Variants in HEATR5B observed in about 807,000 individuals in gnomAD.
HEATR5B encodes the protein HEAT repeat-containing protein 5B.
Under a neutral mutation model 224.1 loss-of-function variants are expected in HEATR5B, and 156 were observed. The ratio of observed to expected loss-of-function variants is 0.70; its 90% CI spans 0.61 to 0.80. The LOEUF is 0.80. Among genes scored for constraint, HEATR5B ranks in the 30% least tolerant of loss-of-function variants. HEATR5B has a pLI of 0.00. For synonymous variants in HEATR5B, 1,027 were observed against 893.0 expected (o/e 1.15, Z -2.68); for missense variants, 2,323 against 2,535.5 (o/e 0.92, Z 1.80).
intron 16 of HEATR5B, among the ~76,000 whole-genome samples, chr2:37,056,002 T>C (rs1294260003): frequency 6.6e-6 from 1 of 152,216 alleles, no homozygotes; most frequent in Non-Finnish European, 1.5e-5. Flanking sequence ...ACGTTATTAG[T>C]GATTGGAATT....
At position 37,056,587 on chromosome 2, in the gene HEATR5B, C is replaced by A; in HGVS notation, c.2252G>T (p.Gly751Val). 6.2e-7 allele frequency: 1 copy of A among 1,603,724 alleles called. No individual in the cohort carries two copies. The highest frequency in any genetic ancestry group is 8.5e-7 in the Non-Finnish European group (1 of 1,175,158). The change falls in exon 16 of 36, where the codon GGG (glycine) becomes GTG (valine). Residue 751 changes from glycine (G) to valine (V), a missense_variant. Gly to Val is a moderately radical substitution (Grantham distance 109). Coordinates refer to ENST00000233099, the MANE Select transcript of HEATR5B (RefSeq NM_019024.3). ...QLQPNSASGS[G>V]ALEHDPSSIY... ...AGAGGAAGGATCATGCTCCAGAGCC[C>A]CACTTCCAGAGGCACTGTTTGGCTG... is the stretch of plus-strand genomic sequence containing the variant.
At chr2:37,068,572 A>T in intron 8 of HEATR5B, 109 bp downstream of exon 8, 1 of 1,206,402 alleles carries the variant, frequency 8.3e-7, no homozygotes. Context: ...AATCACTATG[A>T]AAACACACAG....
At chr2:37,082,716 A>ATGTTAATGGCTGGCTTGC (rs1390861004) in intron 2 of HEATR5B, among the ~76,000 whole-genome samples, 2 of 152,242 alleles carry the variant, frequency 1.3e-5, no homozygotes, top group African/African-American at 2.4e-5. Context: ...TGTAGAAACA[A>ATGTTAATGGCTGGCTTGC]TGTTAATGGC....
intron 33 of HEATR5B, among the ~76,000 whole-genome samples, chr2:36,993,402 T>G (rs1666468369): frequency 6.6e-6 from 1 of 152,002 alleles, no homozygotes; most frequent in African/African-American, 2.4e-5. Context: ...CCAGGAACGG[T>G]GGCGGACACC....
rs192771558 is a variant in HEATR5B, at chr2:37,014,862, A to G, written c.4105-842T>C. On this transcript the variant is annotated intron_variant, in intron 26 of 35. Coordinates refer to ENST00000233099, the MANE Select transcript of HEATR5B (RefSeq NM_019024.3). ...CGTGGGCATGGTGGCGTGTGTCTGT[A>G]ATCCCAGCTGCTCGGGAGGCTGAGG... Among the ~76,000 whole-genome samples, 442 of 152,130 alleles carry G rather than the reference A, an allele frequency of 2.9e-3. 1 individual carries two copies. Among genetic ancestry groups the G allele is most frequent in the African/African-American group, 0.01 (420 of 41,494 alleles).
intron 24 of HEATR5B, among the ~76,000 whole-genome samples, chr2:37,024,424 T>G (rs1668645564): frequency 1.3e-5 from 2 of 152,190 alleles, no homozygotes; most frequent in South Asian, 4.1e-4. Context: ...CTAGGTGAGG[T>G]AATGCATTTG....
At chr2:37,007,564 C>CA (rs560408566) in intron 28 of HEATR5B, among the ~76,000 whole-genome samples, 176 of 152,046 alleles carry the variant, frequency 1.2e-3, no homozygotes, top group Admixed American at 2.9e-3. Context: ...AGGCTGGTCT[C>CA]AAACTCTCAA....
At chr2:37,061,650 T>C (rs1671288440) in intron 11 of HEATR5B, among the ~76,000 whole-genome samples, 1 of 152,188 alleles carries the variant, frequency 6.6e-6, no homozygotes, top group Admixed American at 6.5e-5. Context: ...GGGTATGAAA[T>C]TTTCCCTCAT....
intron 21 of HEATR5B, among the ~76,000 whole-genome samples, chr2:37,034,561 C>G (rs1242362641): frequency 7.4e-6 from 1 of 134,450 alleles, no homozygotes; most frequent in Non-Finnish European, 1.6e-5. Flanking sequence ...TGCAGTGAGC[C>G]GAGATCCCGC....
intron 24 of HEATR5B, among the ~76,000 whole-genome samples, chr2:37,027,600 C>T (rs1668861154): frequency 6.6e-6 from 1 of 152,088 alleles, no homozygotes; most frequent in Non-Finnish European, 1.5e-5. Context: ...ATTTCCTTTC[C>T]GCTGAAATGC....
chr2:36,988,412 G>A (rs901469495), intron 35 of HEATR5B, among the ~76,000 whole-genome samples: 1 of 151,824 alleles, frequency 6.6e-6, no homozygotes, highest in Non-Finnish European at 1.5e-5. Flanking sequence ...GCAGGTGTGC[G>A]CCACACACCC....
chr2:36,992,878 C>A (rs1390963524), intron 33 of HEATR5B, among the ~76,000 whole-genome samples: 1 of 151,768 alleles, frequency 6.6e-6, no homozygotes, highest in Non-Finnish European at 1.5e-5. Context: ...GCATGCACCA[C>A]CATGTACAGC....
intron 1 of HEATR5B, among the ~76,000 whole-genome samples, chr2:37,084,022 G>T (rs1331110705): frequency 6.6e-6 from 1 of 152,150 alleles, no homozygotes; most frequent in African/African-American, 2.4e-5. Flanking sequence ...CGCGCGCTCG[G>T]GGTCTGGCTT....
intron 16 of HEATR5B, among the ~76,000 whole-genome samples, chr2:37,054,223 TC>T (rs941837993): frequency 6.3e-5 from 9 of 143,680 alleles, no homozygotes; most frequent in African/African-American, 2.4e-4. Context: ...AGATGGAGTT[TC>T]GCTCTTGTTG....
intron 22 of HEATR5B, among the ~76,000 whole-genome samples, chr2:37,031,819 G>A (rs1268491051): frequency 1.3e-5 from 2 of 151,960 alleles, no homozygotes; most frequent in African/African-American, 4.8e-5. Flanking sequence ...CTCATAATAG[G>A]GGAAATATCT....
intron 35 of HEATR5B, 59 bp downstream of exon 35, chr2:36,988,586 AT>A: frequency 1.4e-6 from 2 of 1,411,800 alleles, no homozygotes; most frequent in Non-Finnish European, 2.0e-6. Context: ...ATCAAATAAG[AT>A]TTATATACAA....
chr2:37,047,613 C>G (rs76134425), intron 18 of HEATR5B, among the ~76,000 whole-genome samples: 1 of 152,132 alleles, frequency 6.6e-6, no homozygotes, highest in African/African-American at 2.4e-5. Flanking sequence ...GGGTCTTAAG[C>G]AATTGAAGGT....
chr2:37,026,581 A>G (rs1668791026), intron 24 of HEATR5B, among the ~76,000 whole-genome samples: 2 of 152,210 alleles, frequency 1.3e-5, no homozygotes, highest in South Asian at 4.1e-4. Context: ...TAACTATTTG[A>G]CTGAGAAGTC....
chr2:36,996,585 T>A, intron 33 of HEATR5B, among the ~76,000 whole-genome samples: 1 of 151,826 alleles, frequency 6.6e-6, no homozygotes, highest in East Asian at 1.9e-4. Flanking sequence ...CCCGGCTAAT[T>A]TTTGTATATA....
Sources: allele counts gnomAD v4.1 joint callset (sites outside exome capture counted in the v4.1 genomes callset), GRCh38; gene constraint gnomAD v4.1.1; transcripts MANE v1.5; gene names NCBI Gene and HGNC (gene_info 2026-07-23, HGNC 2026-07-21).